ARHGAP24: variants seen among roughly 807,000 people sequenced by gnomAD.
ARHGAP24 encodes the protein Rho GTPase activating protein 24, also known as rho GTPase-activating protein 24.
In ARHGAP24, 50 loss-of-function variants were observed where a neutral mutation model predicts 76.4. The ratio of observed to expected loss-of-function variants is 0.65; its 90% CI spans 0.52 to 0.83. ARHGAP24 has a LOEUF of 0.83. Ranked by LOEUF, ARHGAP24 falls within the 40% of genes least tolerant of loss-of-function variation. The pLI is 0.00. For synonymous variants in ARHGAP24, 345 were observed against 323.3 expected (o/e 1.07, Z -0.72); for missense variants, 930 against 914.2 (o/e 1.02, Z -0.22).
chr4:85,495,549 C>T (rs2110096065), intron 1 of ARHGAP24, among the ~76,000 whole-genome samples: 1 of 151,714 alleles, frequency 6.6e-6, no homozygotes. Context: ...GACGGGTTTT[C>T]ACCGTGTTAG....
At chr4:85,577,592 T>C (rs1382252671) in intron 2 of ARHGAP24, among the ~76,000 whole-genome samples, 1 of 152,196 alleles carries the variant, frequency 6.6e-6, no homozygotes, top group African/African-American at 2.4e-5. Flanking sequence ...GAGTGAGAAC[T>C]GTCTGCTATA....
intron 4 of ARHGAP24, among the ~76,000 whole-genome samples, chr4:85,935,223 A>G (rs570363169): frequency 6.6e-6 from 1 of 152,362 alleles, no homozygotes; most frequent in Admixed American, 6.5e-5. Context: ...ATTAATTCAT[A>G]TATCAATGTT....
intron 3 of ARHGAP24, among the ~76,000 whole-genome samples, chr4:85,875,842 A>T (rs906184872): frequency 4.0e-5 from 6 of 150,944 alleles, no homozygotes; most frequent in African/African-American, 1.2e-4. Flanking sequence ...CCCGGGTTCA[A>T]GCAATTTTCC....
At chr4:85,509,980 T>C (rs1724212119) in intron 1 of ARHGAP24, among the ~76,000 whole-genome samples, 1 of 152,192 alleles carries the variant, frequency 6.6e-6, no homozygotes, top group Admixed American at 6.5e-5. Flanking sequence ...CGCCTCCATA[T>C]GGATGCCCCT....
chr4:85,552,891 C>T (rs79708756), intron 1 of ARHGAP24, among the ~76,000 whole-genome samples: 7,409 of 152,142 alleles, frequency 0.049, 571 homozygotes, highest in African/African-American at 0.17. Flanking sequence ...CTATGGATGT[C>T]ATTGTGTGTC....
At chr4:85,782,036 C>CAAAAAAAAAA (rs11353046) in intron 3 of ARHGAP24, among the ~76,000 whole-genome samples, 1 of 106,644 alleles carries the variant, frequency 9.4e-6, no homozygotes, top group African/African-American at 4.3e-5. Context: ...GATTCTATCT[C>CAAAAAAAAAA]AAAAAAAAAA....
chr4:85,618,469 A>G (rs747026706), intron 2 of ARHGAP24, among the ~76,000 whole-genome samples: 1 of 152,074 alleles, frequency 6.6e-6, no homozygotes, highest in Non-Finnish European at 1.5e-5. Context: ...ATTCAAGATT[A>G]CTCATTTCAT....
chr4:85,830,167 T>C (rs781585224), intron 3 of ARHGAP24, among the ~76,000 whole-genome samples: 1 of 152,262 alleles, frequency 6.6e-6, no homozygotes, highest in Non-Finnish European at 1.5e-5. Context: ...TTTACACTTT[T>C]CTTCTAGACT....
At chr4:85,684,145 T>C (rs778145332) in intron 2 of ARHGAP24, among the ~76,000 whole-genome samples, 21 of 152,222 alleles carry the variant, frequency 1.4e-4, no homozygotes, top group Non-Finnish European at 2.8e-4. Flanking sequence ...TATACAGCAG[T>C]TCTGTTTTTA....
chr4:85,664,812 G>A (rs1359934685), intron 2 of ARHGAP24, among the ~76,000 whole-genome samples: 3 of 152,100 alleles, frequency 2.0e-5, no homozygotes, highest in Non-Finnish European at 4.4e-5. Context: ...TTTCCACGTA[G>A]CTGAGCAGTT....
chr4:85,732,917 C>T (rs1048937651), intron 3 of ARHGAP24, among the ~76,000 whole-genome samples: 2 of 150,796 alleles, frequency 1.3e-5, no homozygotes, highest in African/African-American at 2.4e-5. Context: ...AGGTTGGTCT[C>T]GAACTCCCAA....
chr4:85,598,761 C>A (rs1473825988), intron 2 of ARHGAP24, among the ~76,000 whole-genome samples: 1 of 144,232 alleles, frequency 6.9e-6, no homozygotes. Flanking sequence ...TTTTTTTTTA[C>A]AATATTCCTC....
chr4:85,636,760 G>T (rs1281145023), intron 2 of ARHGAP24, among the ~76,000 whole-genome samples: 2 of 151,974 alleles, frequency 1.3e-5, no homozygotes, highest in African/African-American at 4.8e-5. Flanking sequence ...AATCTCTCCT[G>T]ACAAATTCAA....
At chr4:85,581,598 A>G (rs1415829354) in intron 2 of ARHGAP24, among the ~76,000 whole-genome samples, 1 of 152,172 alleles carries the variant, frequency 6.6e-6, no homozygotes, top group Non-Finnish European at 1.5e-5. Context: ...GAATAAACCA[A>G]CGTAGCTCTA....
chr4:85,631,300 A>G (rs1185328548), intron 2 of ARHGAP24, among the ~76,000 whole-genome samples: 2 of 152,018 alleles, frequency 1.3e-5, no homozygotes, highest in Non-Finnish European at 2.9e-5. Flanking sequence ...ATATCTGTTT[A>G]CTCTTTAAAA....
rs547975634 is a variant in ARHGAP24, at chr4:85,853,842, T to A, written c.269-69806T>A. On this transcript the variant is annotated intron_variant, in intron 3 of 9. Transcript: ENST00000395184. ...AGTGGCACACACCTGTAGTGCCAGC[T>A]ACTCAGGAGGCTGAGGCAGGAGAAT... 6.8e-3 allele frequency among the ~76,000 whole-genome samples: 1,028 copies of A among 152,190 alleles called. 2 individuals are homozygous for A. Among genetic ancestry groups the A allele is most frequent in the Admixed American group, 0.011 (164 of 15,284 alleles).
At chr4:85,854,220 C>T (rs1385608667) in intron 3 of ARHGAP24, among the ~76,000 whole-genome samples, 1 of 151,508 alleles carries the variant, frequency 6.6e-6, no homozygotes, top group Non-Finnish European at 1.5e-5. Context: ...ACATAAATCT[C>T]AGAGGCAAAA....
At chr4:85,650,014 T>C (rs1721875404) in intron 2 of ARHGAP24, among the ~76,000 whole-genome samples, 1 of 152,144 alleles carries the variant, frequency 6.6e-6, no homozygotes, top group Non-Finnish European at 1.5e-5. Flanking sequence ...ACTTTCTGCA[T>C]CCAAATCCTG....
intron 3 of ARHGAP24, among the ~76,000 whole-genome samples, chr4:85,820,192 C>A (rs2110122697): frequency 6.6e-6 from 1 of 152,246 alleles, no homozygotes; most frequent in Middle Eastern, 3.4e-3. Flanking sequence ...TGCATATGTT[C>A]ATCACAGCAC....
Sources: allele counts gnomAD v4.1 joint callset (sites outside exome capture counted in the v4.1 genomes callset), GRCh38; gene constraint gnomAD v4.1.1; transcripts MANE v1.5; gene names NCBI Gene and HGNC (gene_info 2026-07-23, HGNC 2026-07-21).